The following CNTNAP2 variants were observed in gnomAD, a reference collection of about 807,000 sequenced individuals.
CNTNAP2 encodes contactin-associated protein-like 2.
CNTNAP2 carries 98 observed loss-of-function variants against 155.2 expected under a neutral mutation model. That is an observed-to-expected ratio of 0.63 (90% CI 0.54 to 0.75). The LOEUF (loss-of-function observed/expected upper bound fraction) is 0.75. Ranked by LOEUF, CNTNAP2 falls within the 30% of genes least tolerant of loss-of-function variation. The pLI is 0.00. For missense variants in CNTNAP2, 1,727 were observed against 1,688.1 expected (o/e 1.02, Z -0.40); for synonymous variants, 651 against 631.2 (o/e 1.03, Z -0.47).
At chr7:147,120,458 T>C (rs2129282576) in intron 5 of CNTNAP2, among the ~76,000 whole-genome samples, 1 of 152,296 alleles carries the variant, frequency 6.6e-6, no homozygotes, top group South Asian at 2.1e-4. Context: ...ACACTGACTT[T>C]ATAACAAACC....
chr7:147,959,578 G>A (rs567553415), intron 14 of CNTNAP2, among the ~76,000 whole-genome samples: 3 of 152,124 alleles, frequency 2.0e-5, no homozygotes, highest in Admixed American at 6.6e-5. Flanking sequence ...GTAGCAACTC[G>A]GGGCAGTTCT....
chr7:148,261,318 G>T (rs921412538), intron 20 of CNTNAP2, among the ~76,000 whole-genome samples: 2 of 152,104 alleles, frequency 1.3e-5, no homozygotes, highest in Non-Finnish European at 2.9e-5. Flanking sequence ...GCACCACCAT[G>T]CCCGGCTAAT....
chr7:146,202,088 A>T (rs187437632), intron 1 of CNTNAP2, among the ~76,000 whole-genome samples: 3 of 152,254 alleles, frequency 2.0e-5, no homozygotes. Context: ...TTTATACTGC[A>T]TCCTTATCTG....
chr7:148,130,664 C>T (rs1044579934), intron 16 of CNTNAP2, among the ~76,000 whole-genome samples: 27 of 152,218 alleles, frequency 1.8e-4, no homozygotes, highest in African/African-American at 6.5e-4. Flanking sequence ...TTGCCCCTCA[C>T]CCACCAGCAC....
chr7:148,234,748 A>C (rs1796018041), intron 20 of CNTNAP2, among the ~76,000 whole-genome samples: 1 of 152,256 alleles, frequency 6.6e-6, no homozygotes. Context: ...TGATCCTAGG[A>C]TAAAACTAGC....
chr7:148,192,687 GA>G (rs1267533593), intron 18 of CNTNAP2, among the ~76,000 whole-genome samples: 1 of 152,124 alleles, frequency 6.6e-6, no homozygotes, highest in Non-Finnish European at 1.5e-5. Flanking sequence ...CACAAATTAG[GA>G]AGGATACGTG....
chr7:147,766,049 C>T (rs1016305214), intron 13 of CNTNAP2, among the ~76,000 whole-genome samples: 9 of 152,060 alleles, frequency 5.9e-5, no homozygotes, highest in African/African-American at 1.7e-4. Context: ...GAAATGAGAT[C>T]GGTGGTAGGC....
At chr7:147,262,354 A>AC (rs919451566) in intron 8 of CNTNAP2, among the ~76,000 whole-genome samples, 2 of 152,188 alleles carry the variant, frequency 1.3e-5, no homozygotes, top group African/African-American at 4.8e-5. Context: ...TGAAGTCTTA[A>AC]CCCCTGGTAC....
At chr7:146,445,426 C>A (rs1009877309) in intron 1 of CNTNAP2, among the ~76,000 whole-genome samples, 6 of 152,072 alleles carry the variant, frequency 3.9e-5, no homozygotes, top group South Asian at 2.1e-4. Context: ...AAACAGAATA[C>A]CTTATATAAT....
chr7:147,930,075 G>C (rs561654642), intron 14 of CNTNAP2, among the ~76,000 whole-genome samples: 66 of 152,042 alleles, frequency 4.3e-4, no homozygotes, highest in African/African-American at 1.5e-3. Context: ...GACTGGTACC[G>C]GTCCATAGCC....
intron 15 of CNTNAP2, among the ~76,000 whole-genome samples, chr7:148,083,305 T>A (rs952378926): frequency 1.3e-5 from 2 of 152,196 alleles, no homozygotes; most frequent in South Asian, 2.1e-4. Context: ...TTACCTTTCA[T>A]AATAACATTA....
rs1393102714 is a variant in CNTNAP2, at chr7:146,642,809, C to G, written c.98-131462C>G. Among the ~76,000 whole-genome samples, 9 of 151,816 alleles carry G rather than the reference C, an allele frequency of 5.9e-5. No individual in the cohort carries two copies. In the East Asian group the frequency reaches 1.7e-3, roughly 30 times the overall value. ...AAGTGTTCCTATTTCTCCACATCCTCTCCAGCACCTGTTGTTTCCTGACTT... is the reference window on the plus strand; with the variant it reads ...AAGTGTTCCTATTTCTCCACATCCTGTCCAGCACCTGTTGTTTCCTGACTT... On this transcript the variant is annotated intron_variant, in intron 1 of 23. Coordinates refer to ENST00000361727, the MANE Select transcript of CNTNAP2 (RefSeq NM_014141.6).
chr7:147,812,147 GT>G (rs1434363286), intron 13 of CNTNAP2, among the ~76,000 whole-genome samples: 14 of 152,132 alleles, frequency 9.2e-5, no homozygotes, highest in African/African-American at 2.9e-4. Flanking sequence ...ATGTGACTAT[GT>G]GGGGGAAGAA....
intron 13 of CNTNAP2, among the ~76,000 whole-genome samples, chr7:147,875,848 G>T (rs768424474): frequency 6.6e-6 from 1 of 152,114 alleles, no homozygotes; most frequent in African/African-American, 2.4e-5. Context: ...GATTACTCTG[G>T]GTGACCCTAC....
intron 1 of CNTNAP2, among the ~76,000 whole-genome samples, chr7:146,141,655 GTTTTC>G (rs1797883482): frequency 6.6e-6 from 1 of 151,852 alleles, no homozygotes; most frequent in Admixed American, 6.6e-5. Flanking sequence ...ACTTTAGGTG[GTTTTC>G]TTTTCAAGCA....
intron 11 of CNTNAP2, among the ~76,000 whole-genome samples, chr7:147,538,004 C>G (rs892639478): frequency 4.0e-5 from 6 of 151,814 alleles, no homozygotes; most frequent in African/African-American, 1.5e-4. Context: ...ATTTACAGAC[C>G]ACTAAAAATC....
At chr7:146,162,737 G>A (rs1446390888) in intron 1 of CNTNAP2, among the ~76,000 whole-genome samples, 1 of 152,166 alleles carries the variant, frequency 6.6e-6, no homozygotes, top group Non-Finnish European at 1.5e-5. Flanking sequence ...ATTCACAATA[G>A]CAAAGACTTG....
At chr7:146,579,017 G>A (rs1009339036) in intron 1 of CNTNAP2, among the ~76,000 whole-genome samples, 1 of 152,056 alleles carries the variant, frequency 6.6e-6, no homozygotes, top group African/African-American at 2.4e-5. Flanking sequence ...TGTAGCTGAC[G>A]TATTTTACTT....
intron 21 of CNTNAP2, among the ~76,000 whole-genome samples, chr7:148,359,338 A>T (rs1798577553): frequency 6.6e-6 from 1 of 152,258 alleles, no homozygotes; most frequent in African/African-American, 2.4e-5. Flanking sequence ...GTTGCAATAT[A>T]GGCAAAGCCT....
Sources: allele counts gnomAD v4.1 joint callset (sites outside exome capture counted in the v4.1 genomes callset), GRCh38; gene constraint gnomAD v4.1.1; transcripts MANE v1.5; gene names NCBI Gene and HGNC (gene_info 2026-07-23, HGNC 2026-07-21).